The following WDR1 variants were observed in gnomAD, a reference collection of about 807,000 sequenced individuals.
WDR1 encodes the protein WD repeat domain 1.
A neutral mutation model predicts 71.9 loss-of-function variants in WDR1; 21 were observed. The ratio of observed to expected loss-of-function variants is 0.29; its 90% confidence interval spans 0.21 to 0.42. WDR1 has a LOEUF of 0.42. WDR1 is among the 10% of genes least tolerant of loss of function. The pLI, the probability that WDR1 is intolerant of heterozygous loss-of-function variation, is 1.00. For synonymous variants in WDR1, 424 were observed against 347.4 expected (o/e 1.22, Z -2.45); for missense variants, 696 against 824.5 (o/e 0.84, Z 1.91).
intron 14 of WDR1, chr4:10,077,009 C>G (rs1008058769): frequency 2.6e-6 from 1 of 390,934 alleles, no homozygotes; most frequent in African/African-American, 2.0e-5. Flanking sequence ...GGGGGAGACC[C>G]TGGTCCCAGG....
At chr4:10,104,465 A>C (rs1248746953) in intron 2 of WDR1, among the ~76,000 whole-genome samples, 1 of 152,172 alleles carries the variant, frequency 6.6e-6, no homozygotes, top group Non-Finnish European at 1.5e-5. Context: ...GCAGGAGCAG[A>C]GCAGGACACG....
intron 2 of WDR1, among the ~76,000 whole-genome samples, chr4:10,115,026 G>A (rs1228816315): frequency 1.3e-5 from 2 of 152,354 alleles, no homozygotes; most frequent in East Asian, 1.9e-4. Flanking sequence ...GCCTCCTGGA[G>A]GGCAAGTGTG....
At chr4:10,078,296 G>A (rs1764877549) in intron 12 of WDR1, among the ~76,000 whole-genome samples, 1 of 152,192 alleles carries the variant, frequency 6.6e-6, no homozygotes, top group Non-Finnish European at 1.5e-5. Flanking sequence ...TTATCAGAGG[G>A]CTGCCCTCCT....
At chr4:10,088,027 T>C in intron 7 of WDR1, 87 bp from the exon 8 acceptor site, 2 of 1,302,224 alleles carry the variant, frequency 1.5e-6, no homozygotes, top group Non-Finnish European at 2.1e-6. Flanking sequence ...CTGCGACTGT[T>C]TGAGTAGGAC....
chr4:10,111,041 G>A lies in WDR1; in HGVS notation c.138+5072C>T, dbSNP rs534178838. On this transcript the variant is annotated intron_variant, in intron 2 of 14. Coordinates refer to ENST00000499869, the MANE Select transcript of WDR1 (RefSeq NM_017491.5). Reference sequence around the variant, plus strand: ...GGCTGCACCACGCAACGGAACCTGCGCTGACGCCGCCTTCATCTTTGAGCA... The same window carrying A: ...GGCTGCACCACGCAACGGAACCTGCACTGACGCCGCCTTCATCTTTGAGCA... 3.2e-4 allele frequency among the ~76,000 whole-genome samples: 49 copies of A among 152,344 alleles called. No individual in the cohort carries two copies. The East Asian group carries it at 6.9e-3, about 22-fold the overall frequency.
chr4:10,110,274 C>A (rs987514750), intron 2 of WDR1, among the ~76,000 whole-genome samples: 1 of 152,216 alleles, frequency 6.6e-6, no homozygotes, highest in Non-Finnish European at 1.5e-5. Context: ...AGGGCCCTTT[C>A]CTGTGTCCAC....
At position 10,104,475 on chromosome 4, in the gene WDR1, G is replaced by A. The variant is rs114947980; in HGVS notation, c.139-489C>T. 3.1e-3 allele frequency among the ~76,000 whole-genome samples: 471 copies of A among 152,264 alleles called. 1 individual carries two copies. The highest frequency in any genetic ancestry group is 0.011 in the African/African-American group (453 of 41,552). On this transcript the variant is annotated intron_variant, in intron 2 of 14. Transcript: ENST00000499869. ...GCTGTGCAGGAGCAGAGCAGGACAC[G>A]CTGTGGGAGCCCTCTCTATCAAAAA...
chr4:10,084,761 TC>T (rs1014555775), intron 8 of WDR1, among the ~76,000 whole-genome samples: 8 of 151,936 alleles, frequency 5.3e-5, no homozygotes, highest in Non-Finnish European at 7.4e-5. Flanking sequence ...TGCCCTTCAT[TC>T]CCCTCCCTCC....
chr4:10,098,448 CA>C (rs1166023780), intron 4 of WDR1, among the ~76,000 whole-genome samples: 1 of 152,204 alleles, frequency 6.6e-6, no homozygotes, highest in Non-Finnish European at 1.5e-5. Context: ...CATGGTGCTG[CA>C]GGGGGGACTC....
At chr4:10,092,723 G>A (rs1461307472) in intron 5 of WDR1, 1 of 252,280 alleles carries the variant, frequency 4.0e-6, no homozygotes, top group Non-Finnish European at 8.1e-6. Flanking sequence ...AAAAAAGCGA[G>A]GGCTAAAAAT....
At chr4:10,081,318 G>A (rs376090332) in intron 11 of WDR1, 39 bp downstream of exon 11, 18 of 1,596,072 alleles carry the variant, frequency 1.1e-5, no homozygotes, top group Non-Finnish European at 1.5e-5. Flanking sequence ...GCACCACACA[G>A]CTGCAGGCTC....
chr4:10,079,215 C>T (rs1036290466), intron 11 of WDR1, among the ~76,000 whole-genome samples: 1 of 152,246 alleles, frequency 6.6e-6, no homozygotes, highest in Non-Finnish European at 1.5e-5. Flanking sequence ...GCAGGAAACA[C>T]AACTAACTGT....
intron 3 of WDR1, 80 bp from the exon 4 acceptor site, chr4:10,099,219 G>T: frequency 7.8e-7 from 1 of 1,287,526 alleles, no homozygotes; most frequent in Non-Finnish European, 1.1e-6. Flanking sequence ...GTCACTGCCG[G>T]GCCAGGGCCA....
In WDR1 at chr4:10,087,697, C is replaced by G. The variant is rs773122183; in HGVS notation, c.951+10G>C. 1.9e-6 allele frequency: 3 copies of G among 1,573,468 alleles called. No homozygotes were observed. The highest frequency in any genetic ancestry group is 1.3e-5 in the African/African-American group (1 of 74,284). On this transcript the variant is annotated intron_variant, in intron 8 of 14. Transcript: ENST00000499869. ...CCAGCGGGCAGAGCCTTCCCCAGGGCAGGCCTTACCTTGATGACGTGCAGG... is the reference window on the plus strand; with the variant it reads ...CCAGCGGGCAGAGCCTTCCCCAGGGGAGGCCTTACCTTGATGACGTGCAGG...
At chr4:10,102,564 A>C (rs1038681003) in intron 3 of WDR1, among the ~76,000 whole-genome samples, 2 of 152,124 alleles carry the variant, frequency 1.3e-5, no homozygotes, top group African/African-American at 4.8e-5. Flanking sequence ...CCTGCTGTGC[A>C]ACGGCCCCTG....
intron 14 of WDR1, chr4:10,076,240 C>T (rs1169211490): frequency 1.3e-5 from 2 of 152,526 alleles, no homozygotes; most frequent in Non-Finnish European, 2.9e-5. Flanking sequence ...AAGCCTTGGC[C>T]TGCGGGTGGC....
intron 10 of WDR1, 116 bp from the exon 11 acceptor site, chr4:10,081,560 C>T (rs1765014859): frequency 3.5e-6 from 3 of 861,548 alleles, no homozygotes; most frequent in Non-Finnish European, 5.7e-6. Context: ...TCTATTGCCA[C>T]CTATACTGGA....
In WDR1 at chr4:10,087,957, A is replaced by T; in HGVS notation, c.718-17T>A. The T allele has an allele frequency of 1.9e-6, 3 of 1,544,716 alleles. No individual in the cohort carries two copies. Among genetic ancestry groups the T allele is most frequent in the Non-Finnish European group, 2.6e-6 (3 of 1,143,116 alleles). ...CCAACTAATCTATTCAGAAAAAAGC[A>T]GTGTGTCATGTGCCAGAGGACTACA... On this transcript the variant is annotated splice_polypyrimidine_tract_variant and intron_variant, in intron 7 of 14. Transcript: ENST00000499869.
chr4:10,088,513 ACTG>A, intron 6 of WDR1, 140 bp from the exon 7 acceptor site: 1 of 1,128,362 alleles, frequency 8.9e-7, no homozygotes, highest in East Asian at 2.6e-5. Flanking sequence ...ACATGCATTT[ACTG>A]GGCTCTGACG....
Sources: allele counts gnomAD v4.1 joint callset (sites outside exome capture counted in the v4.1 genomes callset), GRCh38; gene constraint gnomAD v4.1.1; transcripts MANE v1.5; gene names NCBI Gene and HGNC (gene_info 2026-07-23, HGNC 2026-07-21).